The following CHN2 variants were observed in gnomAD, a reference collection of about 807,000 sequenced individuals.
CHN2 encodes beta-chimaerin.
Under a neutral mutation model 56.3 loss-of-function variants are expected in CHN2, and 35 were observed. The observed-to-expected ratio is 0.62, with a 90% CI of 0.47 to 0.82. The LOEUF (loss-of-function observed/expected upper bound fraction) is 0.82, where lower values mean the gene tolerates loss of function less well. Ranked by LOEUF, CHN2 falls within the 40% of genes least tolerant of loss-of-function variation. The probability of loss-of-function intolerance (pLI) is 0.00; values close to 1 mark genes in which losing one functional copy is unlikely to be tolerated. For synonymous variants in CHN2, 210 were observed against 212.8 expected (o/e 0.99, Z 0.12); for missense variants, 491 against 580.5 (o/e 0.85, Z 1.58).
intron 1 of CHN2, among the ~76,000 whole-genome samples, chr7:29,223,472 A>G (rs1218471614): frequency 1.3e-5 from 2 of 152,090 alleles, no homozygotes; most frequent in African/African-American, 2.4e-5. Context: ...CTGTAAATTA[A>G]TTTTGCCTGT....
chr7:29,345,348 C>T (rs372381609), intron 1 of CHN2, among the ~76,000 whole-genome samples: 2 of 152,140 alleles, frequency 1.3e-5, no homozygotes, highest in East Asian at 1.9e-4. Context: ...CACAGCAAAA[C>T]GTTTCGGATG....
chr7:29,279,263 G>A (rs1343782623), intron 1 of CHN2, among the ~76,000 whole-genome samples: 6 of 152,202 alleles, frequency 3.9e-5, no homozygotes, highest in Non-Finnish European at 7.3e-5. Context: ...TCCAACCCCC[G>A]AAAAATATAG....
intron 1 of CHN2, among the ~76,000 whole-genome samples, chr7:29,228,143 C>G (rs993666526): frequency 6.7e-6 from 1 of 150,286 alleles, no homozygotes; most frequent in East Asian, 2.0e-4. Flanking sequence ...TGTACACACA[C>G]TAATATATAT....
intron 1 of CHN2, among the ~76,000 whole-genome samples, chr7:29,291,004 C>T (rs1792566411): frequency 6.6e-6 from 1 of 152,190 alleles, no homozygotes; most frequent in Non-Finnish European, 1.5e-5. Context: ...TGCATCTCTT[C>T]TTCCCTTATT....
intron 1 of CHN2, among the ~76,000 whole-genome samples, chr7:29,275,072 T>C (rs992553251): frequency 1.3e-5 from 2 of 152,228 alleles, no homozygotes; most frequent in Non-Finnish European, 2.9e-5. Context: ...GCATTCTCTC[T>C]CTGCCCCCTG....
intron 1 of CHN2, among the ~76,000 whole-genome samples, chr7:29,270,579 A>T (rs1295088172): frequency 6.6e-6 from 1 of 151,682 alleles, no homozygotes; most frequent in Admixed American, 6.6e-5. Flanking sequence ...CACGAGAATC[A>T]CTTGAACTTG....
Position 29,329,053 on chromosome 7 carries a change from G to T in CHN2, c.50-25572G>T, listed in dbSNP as rs192709021. Among the ~76,000 whole-genome samples the T allele has an allele frequency of 2.0e-5, 3 of 152,254 alleles. No homozygotes were observed. The East Asian group carries it at 5.8e-4, about 29-fold the overall frequency. ...AGGGCCACATGGAATCCTTTTAGCAGTTTCACAACTGTCTGGGGTTATTCA... is the reference window on the plus strand; with the variant it reads ...AGGGCCACATGGAATCCTTTTAGCATTTTCACAACTGTCTGGGGTTATTCA... On this transcript the variant is annotated intron_variant, in intron 1 of 12. Coordinates refer to ENST00000222792, the MANE Select transcript of CHN2 (RefSeq NM_004067.4).
chr7:29,318,359 G>A (rs1477151046), intron 1 of CHN2, among the ~76,000 whole-genome samples: 1 of 152,186 alleles, frequency 6.6e-6, no homozygotes, highest in Non-Finnish European at 1.5e-5. Context: ...GAATAGGTGC[G>A]ACAGAGACTA....
intron 6 of CHN2, among the ~76,000 whole-genome samples, chr7:29,459,957 C>G (rs72596057): frequency 6.6e-6 from 1 of 152,138 alleles, no homozygotes; most frequent in Non-Finnish European, 1.5e-5. Context: ...CTGCCTCCCC[C>G]TCTGCCACTC....
chr7:29,293,779 G>A (rs1204003340), intron 1 of CHN2, among the ~76,000 whole-genome samples: 4 of 150,574 alleles, frequency 2.7e-5, no homozygotes, highest in Admixed American at 1.3e-4. Flanking sequence ...ACATCTCATT[G>A]TCTCGCTCAC....
chr7:29,294,143 G>A (rs1792928871), intron 1 of CHN2, among the ~76,000 whole-genome samples: 1 of 152,136 alleles, frequency 6.6e-6, no homozygotes, highest in Admixed American at 6.5e-5. Flanking sequence ...TGGGATTACA[G>A]GTGTGAGCCA....
chr7:29,352,107 G>C (rs916679304), intron 1 of CHN2, among the ~76,000 whole-genome samples: 8 of 152,154 alleles, frequency 5.3e-5, no homozygotes, highest in African/African-American at 1.9e-4. Context: ...TAGGTAAGAA[G>C]ACCTTAGATC....
chr7:29,166,914 T>C (rs918877114), intron 2 of CHN2, among the ~76,000 whole-genome samples: 1 of 152,192 alleles, frequency 6.6e-6, no homozygotes, highest in Non-Finnish European at 1.5e-5. Flanking sequence ...CTACTAGTTC[T>C]ACTATCTGTG....
chr7:29,501,596 A>G (rs977171835), intron 9 of CHN2, among the ~76,000 whole-genome samples: 1 of 152,210 alleles, frequency 6.6e-6, no homozygotes, highest in African/African-American at 2.4e-5. Flanking sequence ...TGCCTAGTAC[A>G]AGAGCGAGAT....
At chr7:29,384,765 C>T (rs1010885106) in intron 3 of CHN2, among the ~76,000 whole-genome samples, 13 of 152,152 alleles carry the variant, frequency 8.5e-5, no homozygotes, top group African/African-American at 3.1e-4. Flanking sequence ...AACATGACTT[C>T]TCTGAGCCCC....
At chr7:29,304,840 G>C (rs987429740) in intron 1 of CHN2, among the ~76,000 whole-genome samples, 15 of 152,174 alleles carry the variant, frequency 9.9e-5, no homozygotes, top group Non-Finnish European at 1.0e-4. Context: ...AATAAGTGTC[G>C]TCTGCATTTT....
intron 2 of CHN2, among the ~76,000 whole-genome samples, chr7:29,174,601 C>T (rs1365263140): frequency 1.3e-5 from 2 of 152,164 alleles, no homozygotes; most frequent in African/African-American, 4.8e-5. Flanking sequence ...GTGACTCACG[C>T]CTGTAATCCA....
intron 1 of CHN2, among the ~76,000 whole-genome samples, chr7:29,347,144 T>C (rs1028129501): frequency 2.6e-5 from 4 of 152,142 alleles, no homozygotes; most frequent in Non-Finnish European, 5.9e-5. Flanking sequence ...AACAGCCCAG[T>C]GTTGGTGAGA....
At chr7:29,414,126 T>A (rs868572283) in intron 6 of CHN2, among the ~76,000 whole-genome samples, 1 of 152,088 alleles carries the variant, frequency 6.6e-6, no homozygotes, top group African/African-American at 2.4e-5. Context: ...GAAATGTGAG[T>A]CTTCAGACAC....
Sources: allele counts gnomAD v4.1 joint callset (sites outside exome capture counted in the v4.1 genomes callset), GRCh38; gene constraint gnomAD v4.1.1; transcripts MANE v1.5; gene names NCBI Gene and HGNC (gene_info 2026-07-23, HGNC 2026-07-21).